ACADVL: variants seen among roughly 807,000 people sequenced by gnomAD.
The protein encoded by ACADVL is very long-chain acyl-CoA dehydrogenase, mitochondrial.
ACADVL carries 73 observed loss-of-function variants against 80.4 expected under a neutral mutation model. The ratio of observed to expected loss-of-function variants is 0.91; its 90% CI spans 0.75 to 1.10. ACADVL has a LOEUF of 1.10. Among genes scored for constraint, ACADVL ranks in the 50% least tolerant of loss-of-function variants. ACADVL has a pLI of 0.00. For missense variants in ACADVL, 878 were observed against 858.9 expected (o/e 1.02, Z -0.28); for synonymous variants, 392 against 326.5 (o/e 1.20, Z -2.16).
Position 7,223,857 on chromosome 17 carries a change from G to A in ACADVL, c.1314G>A (p.Gly438=), listed in dbSNP as rs2142985177. The A allele has an allele frequency of 2.5e-6, 4 of 1,614,128 alleles. No homozygotes were observed. Among genetic ancestry groups the A allele is most frequent in the Non-Finnish European group, 3.4e-6 (4 of 1,180,050 alleles). Residue 438 remains glycine, a synonymous_variant, in exon 13 of 20, where the codon GGG becomes GGA. Transcript: ENST00000356839. ...KVTDECIQIM[G]GMGFMKEPGV... ...CAGATGAATGCATCCAAATCATGGG[G>A]GGTATGGGCTTCATGAAGGTACAGG...
chr17:7,218,670 G>C, upstream of ACADVL: 1 of 1,550,890 alleles, frequency 6.4e-7, no homozygotes, highest in South Asian at 1.2e-5. Context: ...TTGGGACAGG[G>C]AAGATGCCAA....
intron 9 of ACADVL, 154 bp from the exon 10 acceptor site, chr17:7,222,513 T>G (rs937643943): frequency 1.7e-6 from 2 of 1,147,702 alleles, no homozygotes; most frequent in Non-Finnish European, 2.5e-6. Context: ...CAGGCCTCCT[T>G]AGCCCTCAGG....
rs752314368 is a variant in ACADVL at position 7,222,838 on chromosome 17, T to C, written c.1050T>C (p.Gly350=). 1.9e-6 allele frequency: 3 copies of C among 1,612,740 alleles called. No individual in the cohort carries two copies. The Admixed American group carries it at 5.0e-5, about 27-fold the overall frequency. The change falls in exon 10 of 20, where the codon GGT becomes GGC. Residue 350 remains glycine (G), a synonymous_variant. Transcript: ENST00000356839. ...TTGGCATGGCTGCGGCCCTGGCAGG[T>C]ACCATGAGAGGCATCATTGCTAAGG... ...GRFGMAAALA[G]TMRGIIAKAV... is the part of the protein sequence containing the mutation.
upstream of ACADVL, chr17:7,218,371 A>T: frequency 6.8e-7 from 1 of 1,468,990 alleles, no homozygotes; most frequent in Non-Finnish European, 9.3e-7. Flanking sequence ...CTGGCTGGCA[A>T]GGGAGGAGCC....
rs774376862 is a variant in ACADVL, at chr17:7,223,955, G to A, written c.1333-13G>A. ...CTCAGCACGGGCATATAATTTGTGT[G>A]GCCCTGTGCTAGGAACCTGGAGTAG... On this transcript the variant is annotated splice_polypyrimidine_tract_variant and intron_variant, in intron 13 of 19. Transcript: ENST00000356839. The A allele has an allele frequency of 1.2e-6, 2 of 1,613,834 alleles. No homozygotes were observed. The highest frequency in any genetic ancestry group is 3.3e-5 in the Admixed American group (2 of 60,012).
rs777380964 is a variant in ACADVL at position 7,220,173 on chromosome 17, G to C, written c.114G>C (p.Arg38=). ...LGQPRPGPAR[R]PYAGGAAQLA... ...AGCCCCGGCCCGGCCCTGCCCGGCG[G>C]CCCTATGCCGGGGGTGCCGCTCAGG... Residue 38 remains arginine, a synonymous_variant, in exon 2 of 20, where the codon CGG becomes CGC. Transcript: ENST00000356839. 1.6e-4 allele frequency: 248 copies of C among 1,536,524 alleles called. No individual in the cohort carries two copies. Among genetic ancestry groups the C allele is most frequent in the Non-Finnish European group, 2.1e-4 (240 of 1,147,560 alleles).
chr17:7,222,290 G>A lies in ACADVL; in HGVS notation c.866G>A (p.Gly289Glu), dbSNP rs778514103. The A allele has an allele frequency of 6.2e-6, 10 of 1,613,870 alleles. No homozygotes were observed. In the African/African-American group the frequency reaches 1.1e-4, roughly 17 times the overall value. The change falls in exon 9 of 20, where the codon GGG becomes GAG. Residue 289 changes from glycine (G) to glutamate (E), a missense_variant. By Grantham distance (98) the Gly-to-Glu change is moderately conservative. Coordinates refer to ENST00000356839, the MANE Select transcript of ACADVL (RefSeq NM_000018.4). ...ITAFVVERGF[G>E]GITHGPPEKK... ...GCTTTTGTGGTGGAGAGGGGCTTCG[G>A]GGGCATTACCCAGTGAGTGAATTTG...
At chr17:7,219,607 C>T, upstream of ACADVL, 1 of 1,179,510 alleles carries the variant, frequency 8.5e-7, no homozygotes, top group Non-Finnish European at 1.1e-6. Context: ...TTCTCTTTCC[C>T]TACTTTTCCC....
rs1230956854 is a variant in ACADVL at position 7,223,692 on chromosome 17, T to G, written c.1231T>G (p.Phe411Val). ...SANMDQGATD[F>V]QIEAAISKIF... ...TAACATGGACCAGGGAGCCACGGAC[T>G]TCCAGATAGAGGCCGCCATCAGCAA... The change falls in exon 12 of 20, where the codon TTC becomes GTC. Residue 411 changes from phenylalanine to valine, a missense_variant. Physicochemically the swap from Phe to Val is conservative, Grantham distance 50. Transcript: ENST00000356839. 1 of 1,614,132 alleles carries G rather than the reference T, an allele frequency of 6.2e-7. No homozygotes were observed. The highest frequency in any genetic ancestry group is 1.7e-5 in the Admixed American group (1 of 60,018).
At chr17:7,221,736 G>C in intron 7 of ACADVL, 54 bp downstream of exon 7, 3 of 1,612,174 alleles carry the variant, frequency 1.9e-6, no homozygotes, top group Admixed American at 1.7e-5. Flanking sequence ...GCTTGGCACA[G>C]ATTAGGCCAG....
chr17:7,221,722 C>G, intron 7 of ACADVL, 40 bp downstream of exon 7: 1 of 1,613,132 alleles, frequency 6.2e-7, no homozygotes. Flanking sequence ...GGGGGGCACA[C>G]TGGGCTTGGC....
At chr17:7,223,924 G>C (rs769315420) in intron 13 of ACADVL, 44 bp from the exon 14 acceptor site, 33 of 1,613,512 alleles carry the variant, frequency 2.0e-5, no homozygotes, top group Non-Finnish European at 2.8e-5. Flanking sequence ...GGGTGGGTAG[G>C]CACATCTCAG....
chr17:7,220,662 TC>T lies in ACADVL; in HGVS notation c.266del (p.Pro89HisfsTer28), dbSNP rs771808680. 2 of 1,614,124 alleles carry T rather than the reference TC, an allele frequency of 1.2e-6. No individual in the cohort carries two copies. Among genetic ancestry groups the T allele is most frequent in the Non-Finnish European group, 1.7e-6 (2 of 1,180,034 alleles). Reference sequence around the variant, plus strand: ...GGCCAGCTCACCACAGATCAGGTGTTCCCATACCCGTCCGGTAAGGGAAGGG... The same window carrying T: ...GGCCAGCTCACCACAGATCAGGTGTTCCATACCCGTCCGGTAAGGGAAGGG... ...FKGQLTTDQV[F>X]PYPSVLNEEQ... On this transcript the variant is annotated frameshift_variant, in exon 4 of 20. Coordinates refer to ENST00000356839, the MANE Select transcript of ACADVL (RefSeq NM_000018.4). LOFTEE classifies it high-confidence loss of function.
In ACADVL at chr17:7,221,632, T is replaced by C. The variant is rs530914800; in HGVS notation, c.572T>C (p.Leu191Pro). 1 of 1,614,028 alleles carries C rather than the reference T, an allele frequency of 6.2e-7. No individual in the cohort carries two copies. The highest frequency in any genetic ancestry group is 1.1e-5 in the South Asian group (1 of 91,086). ...AGCATCGGTTTCAAAGGCATCCTGC[T>C]CTTTGGCACAAAGGCCCAGAAAGAA... is the stretch of plus-strand genomic sequence containing the variant. Reference protein sequence around the residue: ...HQSIGFKGILLFGTKAQKEKY... With the variant: ...HQSIGFKGILPFGTKAQKEKY... The change falls in exon 7 of 20, where the codon CTC becomes CCC. Residue 191 changes from leucine to proline, a missense_variant. Transcript: ENST00000356839.
In ACADVL at chr17:7,223,886, G is replaced by T. The variant is rs368825478; in HGVS notation, c.1332+11G>T. 6.2e-7 allele frequency: 1 copy of T among 1,613,984 alleles called. No homozygotes were observed. Among genetic ancestry groups the T allele is most frequent in the Non-Finnish European group, 8.5e-7 (1 of 1,180,024 alleles). ...ATGGGCTTCATGAAGGTACAGGACG[G>T]TCTTCTGCAGAGCCTCGGCTGGGCC... On this transcript the variant is annotated intron_variant, in intron 13 of 19. Transcript: ENST00000356839.
At chr17:7,219,885 T>A, upstream of ACADVL, 3 of 1,542,600 alleles carry the variant, frequency 1.9e-6, no homozygotes, top group Non-Finnish European at 2.6e-6. Context: ...CCCGGTGCAC[T>A]GTGGACGATG....
At chr17:7,223,378 A>T (rs993026130) in intron 11 of ACADVL, 141 bp downstream of exon 11, 6 of 893,692 alleles carry the variant, frequency 6.7e-6, no homozygotes, top group Non-Finnish European at 1.1e-5. Flanking sequence ...AGGCATAGTC[A>T]GCTCAGCTTC....
In ACADVL at chr17:7,224,016, T is replaced by G; in HGVS notation, c.1381T>G (p.Phe461Val). 1 of 1,614,170 alleles carries G rather than the reference T, an allele frequency of 6.2e-7. No individual in the cohort carries two copies. The highest frequency in any genetic ancestry group is 8.5e-7 in the Non-Finnish European group (1 of 1,180,028). The change falls in exon 14 of 20, where the codon TTT becomes GTT. Residue 461 changes from phenylalanine to valine, a missense_variant. Transcript: ENST00000356839. ...VLRDLRIFRI[F>V]EGTNDILRLF... ...CCGAGATCTTCGCATCTTCCGGATCTTTGAGGGGACAAATGACATTCTTCG... is the reference window on the plus strand; with the variant it reads ...CCGAGATCTTCGCATCTTCCGGATCGTTGAGGGGACAAATGACATTCTTCG...
At position 7,225,129 on chromosome 17, in the gene ACADVL, T is replaced by G. The variant is rs886053376; in HGVS notation, c.*32T>G. ...CCGGCCAGGGCCTGTCCCAGTTATG[T>G]GCCTTCCCTCAAGCCAAAGCCGAAG... On this transcript the variant is annotated 3_prime_UTR_variant, in exon 20 of 20. Coordinates refer to ENST00000356839, the MANE Select transcript of ACADVL (RefSeq NM_000018.4). 6.2e-7 allele frequency: 1 copy of G among 1,613,656 alleles called. No homozygotes were observed. Among genetic ancestry groups the G allele is most frequent in the Non-Finnish European group, 8.5e-7 (1 of 1,180,042 alleles).
Sources: allele counts gnomAD v4.1 joint callset, GRCh38; gene constraint gnomAD v4.1.1; transcripts MANE v1.5; gene names NCBI Gene and HGNC (gene_info 2026-07-23, HGNC 2026-07-21).